RBM4: variants seen among roughly 807,000 people sequenced by gnomAD.
RBM4 encodes RNA-binding protein 4.
RBM4 carries 7 observed loss-of-function variants against 29.5 expected under a neutral mutation model. That is an observed-to-expected ratio of 0.24 (90% CI 0.14 to 0.45). The LOEUF is 0.45. RBM4 is among the 20% of genes least tolerant of loss of function. The pLI is 1.00. For synonymous variants in RBM4, 220 were observed against 205.4 expected (o/e 1.07, Z -0.61); for missense variants, 387 against 502.3 (o/e 0.77, Z 2.19).
intron 2 of RBM4, among the ~76,000 whole-genome samples, chr11:66,659,593 A>G (rs1007425278): frequency 1.3e-5 from 2 of 151,922 alleles, no homozygotes; most frequent in African/African-American, 4.8e-5. Context: ...GTCTTAATAC[A>G]CCTCAAACTT....
intron 2 of RBM4, among the ~76,000 whole-genome samples, chr11:66,660,162 A>T (rs1364004137): frequency 1.6e-5 from 2 of 127,874 alleles, no homozygotes; most frequent in Non-Finnish European, 1.6e-5. Flanking sequence ...ATCTGAAGGG[A>T]CCTTTCTCTT....
intron 2 of RBM4, chr11:66,640,420 T>G: frequency 1.9e-6 from 1 of 524,872 alleles, no homozygotes; most frequent in Non-Finnish European, 3.3e-6. Context: ...TGGGCCTTTT[T>G]TATTTTTTAT....
In RBM4 at chr11:66,666,022, A is replaced by G. The variant is rs1030279868; in HGVS notation, c.*57A>G. On this transcript the variant is annotated 3_prime_UTR_variant, in exon 3 of 3. Transcript: ENST00000396053. ...AATGTGTTTTGTTTTAATCTTTCACAGTAAACAAGCTTTCAGAAATGATGG... is the reference window on the plus strand; with the variant it reads ...AATGTGTTTTGTTTTAATCTTTCACGGTAAACAAGCTTTCAGAAATGATGG... 19 of 1,384,090 alleles carry G rather than the reference A, an allele frequency of 1.4e-5. No individual in the cohort carries two copies. The African/African-American group carries it at 2.2e-4, about 16-fold the overall frequency. 85.7% of individuals were successfully genotyped at this position (1,384,090 alleles called of 1,614,324 possible).
chr11:66,659,650 T>C (rs1223879801), intron 2 of RBM4, among the ~76,000 whole-genome samples: 1 of 152,130 alleles, frequency 6.6e-6, no homozygotes, highest in Non-Finnish European at 1.5e-5. Context: ...CTAAAATCAT[T>C]TCTCCTTCAG....
chr11:66,650,167 T>A (rs945604071), downstream of RBM4, among the ~76,000 whole-genome samples: 1 of 152,232 alleles, frequency 6.6e-6, no homozygotes, highest in African/African-American at 2.4e-5. Flanking sequence ...TATTTTGTAT[T>A]GATGACATGT....
chr11:66,640,457 G>T, intron 2 of RBM4: 1 of 477,910 alleles, frequency 2.1e-6, no homozygotes, highest in Non-Finnish European at 3.7e-6. Context: ...ACAGTTCAGA[G>T]TTCCTCACTC....
chr11:66,643,895 TGCTGCTGCAGCAGCA>T lies in RBM4; in HGVS notation c.861_875del (p.Ala291_Ala295del). ...CGACCTCAGGAGCTGCTGCCACAGC[TGCTGCTGCAGCAGCA>T]GCCGCTGCTGCTGTTACTGCAGCTT... On this transcript the variant is annotated inframe_deletion, in exon 3 of 4. Transcript: ENST00000310092. This position sits in a 1 kb window ranked among gnomAD's most constrained non-coding sequence, Gnocchi z 6.1. The T allele has an allele frequency of 6.2e-7, 1 of 1,611,614 alleles. No homozygotes were observed.
At chr11:66,648,116 G>C (rs1408576728), downstream of RBM4, among the ~76,000 whole-genome samples, 1 of 152,162 alleles carries the variant, frequency 6.6e-6, no homozygotes, top group Non-Finnish European at 1.5e-5. Flanking sequence ...TGAGGCAGGA[G>C]AATCGCTTGA....
At chr11:66,649,120 C>T (rs1037696867), downstream of RBM4, among the ~76,000 whole-genome samples, 14 of 152,164 alleles carry the variant, frequency 9.2e-5, no homozygotes, top group Middle Eastern at 3.4e-3. Flanking sequence ...GATTCTCCTG[C>T]CTCAGCCTCC....
chr11:66,657,662 G>A (rs1292865648), intron 2 of RBM4, among the ~76,000 whole-genome samples: 7 of 121,982 alleles, frequency 5.7e-5, no homozygotes, highest in South Asian at 2.6e-4. Context: ...TAGCCTGGGC[G>A]ACAGAGCAAG....
chr11:66,643,370 T>A lies in RBM4; in HGVS notation c.413-80T>A, dbSNP rs1938550404. The A allele has an allele frequency of 1.3e-6, 2 of 1,505,400 alleles. No homozygotes were observed. The highest frequency in any genetic ancestry group is 2.8e-5 in the African/African-American group (2 of 71,624). 93.3% of individuals were successfully genotyped at this position (1,505,400 alleles called of 1,614,324 possible). ...ATTAGAATTGTCTAGATAAAGCCAT[T>A]GCTATGACCAGTGTCTGGGGTAGGG... On this transcript the variant is annotated intron_variant, in intron 2 of 3. Coordinates refer to ENST00000310092, the MANE Select transcript of RBM4 (RefSeq NM_002896.4). The surrounding 1 kb of genome is among the most constrained non-coding windows in gnomAD (Gnocchi z 6.1).
chr11:66,657,010 T>C lies in RBM4; in HGVS notation c.413-8846T>C, dbSNP rs1938962776. 2.0e-5 allele frequency among the ~76,000 whole-genome samples: 3 copies of C among 152,072 alleles called. No homozygotes were observed. The South Asian group carries it at 6.2e-4, about 32-fold the overall frequency. On this transcript the variant is annotated intron_variant, in intron 2 of 2. Coordinates refer to the RBM4 transcript ENST00000396053. ...TTGGTAACTGATGGTTACAATCTTG[T>C]TCCCATTGTTGCAATCAAAATACAG...
At chr11:66,644,823 C>A in intron 3 of RBM4, 1 of 440,302 alleles carries the variant, frequency 2.3e-6, no homozygotes, top group Non-Finnish European at 3.0e-6. Context: ...TGCTAACACT[C>A]ACCTTCTCTG....
chr11:66,654,649 G>T (rs1391215522), intron 2 of RBM4, among the ~76,000 whole-genome samples: 1 of 148,076 alleles, frequency 6.8e-6, no homozygotes, highest in South Asian at 2.2e-4. Context: ...CTACAGGCAC[G>T]CACCACCACG....
At chr11:66,645,585 T>C (rs746115915) in intron 3 of RBM4, among the ~76,000 whole-genome samples, 6 of 152,208 alleles carry the variant, frequency 3.9e-5, no homozygotes, top group Admixed American at 2.0e-4. Context: ...ATCTAGACTT[T>C]GAATGATTTT....
intron 2 of RBM4, chr11:66,652,415 T>G (rs763066211): frequency 1.3e-5 from 2 of 152,156 alleles, no homozygotes; most frequent in Non-Finnish European, 2.9e-5. Context: ...TTTTTAAAAG[T>G]GGCAAATGGA....
At chr11:66,654,213 C>T (rs903220270) in intron 2 of RBM4, among the ~76,000 whole-genome samples, 1 of 151,704 alleles carries the variant, frequency 6.6e-6, no homozygotes, top group Admixed American at 6.6e-5. Context: ...TATTTTTGGC[C>T]GGGCGTGGTG....
intron 2 of RBM4, among the ~76,000 whole-genome samples, chr11:66,653,653 C>T (rs1011999772): frequency 7.2e-5 from 11 of 152,112 alleles, no homozygotes; most frequent in East Asian, 5.8e-4. Flanking sequence ...TGACCCACCG[C>T]GCCCAACCTT....
chr11:66,658,950 A>C (rs952360688), intron 2 of RBM4, among the ~76,000 whole-genome samples: 1 of 120,700 alleles, frequency 8.3e-6, no homozygotes. Context: ...AAAAAAAAAT[A>C]TATATATATA....
Sources: allele counts gnomAD v4.1 joint callset (sites outside exome capture counted in the v4.1 genomes callset), GRCh38; gene constraint gnomAD v4.1.1; non-coding constraint Gnocchi (gnomAD v3.1); transcripts MANE v1.5; gene names NCBI Gene and HGNC (gene_info 2026-07-23, HGNC 2026-07-21).